BCL2L13: variants seen among roughly 807,000 people sequenced by gnomAD.
The protein encoded by BCL2L13 is BCL2 like 13.
A neutral mutation model predicts 25.8 loss-of-function variants in BCL2L13; 13 were observed. The observed-to-expected ratio is 0.50, with a 90% CI of 0.33 to 0.80. The LOEUF is 0.80. Ranked by LOEUF, BCL2L13 falls within the 30% of genes least tolerant of loss-of-function variation. The pLI, the probability that BCL2L13 is intolerant of heterozygous loss-of-function variation, is 0.02. For synonymous variants in BCL2L13, 244 were observed against 230.3 expected, an observed-to-expected ratio of 1.06 and a Z score of -0.54; for missense variants, 504 against 574.9, an observed-to-expected ratio of 0.88 and a Z score of 1.26.
intron 6 of BCL2L13, among the ~76,000 whole-genome samples, chr22:17,710,067 T>TAAA (rs71201876): frequency 0.02 from 1,789 of 91,590 alleles, 51 homozygotes; most frequent in African/African-American, 0.039. Flanking sequence ...GACCTTGTCT[T>TAAA]AAAAAAAAAA....
chr22:17,674,034 T>G (rs2059499318), intron 2 of BCL2L13, among the ~76,000 whole-genome samples: 1 of 152,134 alleles, frequency 6.6e-6, no homozygotes, highest in Admixed American at 6.6e-5. Flanking sequence ...TATCCCAAAG[T>G]GTTTGTAATC....
chr22:17,648,031 G>A (rs1417831117), intron 1 of BCL2L13, among the ~76,000 whole-genome samples: 1 of 151,978 alleles, frequency 6.6e-6, no homozygotes, highest in Admixed American at 6.6e-5. Flanking sequence ...TTGGGAGGCT[G>A]AGGTAGGAGA....
chr22:17,689,258 T>A, intron 4 of BCL2L13, 116 bp downstream of exon 4: 1 of 870,262 alleles, frequency 1.1e-6, no homozygotes, highest in Non-Finnish European at 1.6e-6. Flanking sequence ...TTTTCTCACT[T>A]TTCTTTACAT....
chr22:17,665,441 G>A (rs2059205704), intron 2 of BCL2L13, among the ~76,000 whole-genome samples: 1 of 152,114 alleles, frequency 6.6e-6, no homozygotes, highest in African/African-American at 2.4e-5. Context: ...TCCAACTTCT[G>A]CCTGTTTGTT....
At chr22:17,654,148 C>A (rs1363352899) in intron 1 of BCL2L13, among the ~76,000 whole-genome samples, 2 of 152,136 alleles carry the variant, frequency 1.3e-5, no homozygotes, top group African/African-American at 4.8e-5. Flanking sequence ...CTCTGTCACC[C>A]AGGCTGGAGT....
intron 4 of BCL2L13, among the ~76,000 whole-genome samples, chr22:17,690,113 G>A (rs954665113): frequency 6.6e-6 from 1 of 152,236 alleles, no homozygotes; most frequent in Admixed American, 6.5e-5. Context: ...ATCACTGGAA[G>A]TCAGGAGTTG....
At chr22:17,662,946 C>T (rs2059119612) in intron 2 of BCL2L13, among the ~76,000 whole-genome samples, 1 of 151,958 alleles carries the variant, frequency 6.6e-6, no homozygotes, top group Non-Finnish European at 1.5e-5. Context: ...AACACAGCTC[C>T]CTACAGCCTC....
chr22:17,699,455 A>C (rs370668845), intron 5 of BCL2L13, among the ~76,000 whole-genome samples: 37 of 152,344 alleles, frequency 2.4e-4, no homozygotes, highest in African/African-American at 8.7e-4. Context: ...CAAAGAGACC[A>C]CATAGTGTAC....
chr22:17,654,583 C>G (rs1340874455), intron 1 of BCL2L13, among the ~76,000 whole-genome samples: 1 of 151,882 alleles, frequency 6.6e-6, no homozygotes, highest in Non-Finnish European at 1.5e-5. Context: ...CCATCACGCC[C>G]GGCTAATTTT....
At chr22:17,668,132 T>G (rs553420506) in intron 2 of BCL2L13, among the ~76,000 whole-genome samples, 1 of 151,466 alleles carries the variant, frequency 6.6e-6, no homozygotes, top group African/African-American at 2.4e-5. Context: ...CACCTCACCC[T>G]CCCAAGTAGC....
rs968131507 is a variant in BCL2L13, at chr22:17,643,331, C to T, written c.-51+4445C>T. Among the ~76,000 whole-genome samples, 7 of 151,422 alleles carry T rather than the reference C, an allele frequency of 4.6e-5. No homozygotes were observed. The South Asian group carries it at 6.3e-4, about 14-fold the overall frequency. ...TTCACTCTTGTGAGGTCTTCACTCC[C>T]GACCTCAGGTGATCCGCCCGCCTTA... On this transcript the variant is annotated intron_variant, in intron 1 of 6. Coordinates refer to ENST00000317582, the MANE Select transcript of BCL2L13 (RefSeq NM_015367.4).
chr22:17,729,584 A>G lies in BCL2L13; in HGVS notation c.*2050A>G, dbSNP rs1014837151. On this transcript the variant is annotated 3_prime_UTR_variant, in exon 7 of 7. Transcript: ENST00000317582. Reference sequence around the variant, plus strand: ...ATTGGCTGAGCGCATTCAAGCACCAATCGAAGCCAGGTTCATCTCTGAGCT... The same window carrying G: ...ATTGGCTGAGCGCATTCAAGCACCAGTCGAAGCCAGGTTCATCTCTGAGCT... The G allele has an allele frequency of 3.9e-5, 6 of 152,350 alleles. No homozygotes were observed. The highest frequency in any genetic ancestry group is 9.6e-5 in the African/African-American group (4 of 41,576). 9.4% of individuals were successfully genotyped at this position (152,350 alleles called of 1,614,324 possible).
chr22:17,708,336 G>A (rs1379562258), intron 6 of BCL2L13, among the ~76,000 whole-genome samples: 3 of 152,210 alleles, frequency 2.0e-5, no homozygotes, highest in Non-Finnish European at 4.4e-5. Flanking sequence ...AGGTAGGACA[G>A]CATAGTTGGT....
At chr22:17,652,100 T>C (rs1205548022) in intron 1 of BCL2L13, among the ~76,000 whole-genome samples, 3 of 152,226 alleles carry the variant, frequency 2.0e-5, no homozygotes, top group Non-Finnish European at 4.4e-5. Flanking sequence ...GGTTACATTC[T>C]GAGAAACTCA....
intron 2 of BCL2L13, among the ~76,000 whole-genome samples, chr22:17,676,119 T>C (rs540334054): frequency 3.5e-3 from 528 of 152,296 alleles, no homozygotes; most frequent in Non-Finnish European, 6.3e-3. Context: ...GATTGGGCAT[T>C]TATCTCATTA....
intron 6 of BCL2L13, among the ~76,000 whole-genome samples, chr22:17,720,352 A>AT (rs1056990981): frequency 1.3e-5 from 2 of 151,354 alleles, no homozygotes; most frequent in South Asian, 4.2e-4. Context: ...AATTTTTTAA[A>AT]TTTTTTAATT....
At chr22:17,653,893 T>G (rs1450505067) in intron 1 of BCL2L13, among the ~76,000 whole-genome samples, 1 of 142,838 alleles carries the variant, frequency 7.0e-6, no homozygotes, top group Non-Finnish European at 1.5e-5. Context: ...TTATCTTAGT[T>G]TGCTTATCAC....
chr22:17,643,759 A>G (rs905808713), intron 1 of BCL2L13, among the ~76,000 whole-genome samples: 2 of 150,974 alleles, frequency 1.3e-5, no homozygotes, highest in Non-Finnish European at 2.9e-5. Context: ...GACTACAGGC[A>G]CTCGCCACCA....
At chr22:17,661,940 A>C (rs1217695719) in intron 2 of BCL2L13, among the ~76,000 whole-genome samples, 1 of 151,570 alleles carries the variant, frequency 6.6e-6, no homozygotes, top group East Asian at 1.9e-4. Flanking sequence ...GTGGTGAGCC[A>C]AAATTGCACC....
Sources: allele counts gnomAD v4.1 joint callset (sites outside exome capture counted in the v4.1 genomes callset), GRCh38; gene constraint gnomAD v4.1.1; transcripts MANE v1.5; gene names NCBI Gene and HGNC (gene_info 2026-07-23, HGNC 2026-07-21).